FAM107B: variants seen among roughly 807,000 people sequenced by gnomAD.
FAM107B encodes protein FAM107B.
A neutral mutation model predicts 31.5 loss-of-function variants in FAM107B; 21 were observed. The ratio of observed to expected loss-of-function variants is 0.67; its 90% CI spans 0.47 to 0.96. The LOEUF is 0.96. Among genes scored for constraint, FAM107B ranks in the 40% least tolerant of loss-of-function variants. The pLI, the probability that FAM107B is intolerant of heterozygous loss-of-function variation, is 0.00. For missense variants in FAM107B, 452 were observed against 377.1 expected, an observed-to-expected ratio of 1.20 and a Z score of -1.64; for synonymous variants, 157 against 141.5, an observed-to-expected ratio of 1.11 and a Z score of -0.78.
intron 2 of FAM107B, among the ~76,000 whole-genome samples, chr10:14,628,850 C>A (rs557143782): frequency 6.6e-6 from 1 of 152,132 alleles, no homozygotes; most frequent in East Asian, 1.9e-4. Context: ...CTGGGCAATA[C>A]AGCAAGACCC....
chr10:14,663,887 C>CAAAAAAAAA lies in FAM107B; in HGVS notation c.469+3738_469+3746dup, dbSNP rs3035297. ...GATGCCCAAGAATTAGATCATCAGC[C>CAAAAAAAAA]AAAAAAAAAAAAAAAAAAAAAAAAA... is the stretch of plus-strand genomic sequence containing the variant. On this transcript the variant is annotated intron_variant, in intron 2 of 4. Transcript: ENST00000181796. 1.5e-4 allele frequency among the ~76,000 whole-genome samples: 12 copies of CAAAAAAAAA among 80,384 alleles called. 2 individuals carry two copies. Among genetic ancestry groups the CAAAAAAAAA allele is most frequent in the African/African-American group, 6.3e-4 (11 of 17,430 alleles). The allele number at this position is 80,384 out of a possible 152,430, so 52.7% of individuals were successfully genotyped here. A position where few individuals can be genotyped will look rare whatever the true frequency, so the allele number is the denominator to read the frequency against.
chr10:14,595,422 C>CTTT (rs35540585), intron 2 of FAM107B, among the ~76,000 whole-genome samples: 44,131 of 97,972 alleles, frequency 0.45, 11,886 homozygotes, highest in Non-Finnish European at 0.56. Context: ...CTAGGGCAAC[C>CTTT]TTTTTTTTTT....
At chr10:14,521,592 T>G (rs1347120212) in intron 4 of FAM107B, among the ~76,000 whole-genome samples, 1 of 152,220 alleles carries the variant, frequency 6.6e-6, no homozygotes, top group East Asian at 1.9e-4. Context: ...GGAGTCTTCA[T>G]GAAAGTGAAT....
intron 1 of FAM107B, among the ~76,000 whole-genome samples, chr10:14,768,654 A>G (rs1833234463): frequency 6.6e-6 from 1 of 152,232 alleles, no homozygotes; most frequent in African/African-American, 2.4e-5. Flanking sequence ...ATACTTTAAA[A>G]CAGTTACAAT....
chr10:14,734,317 T>C (rs2131563559), intron 1 of FAM107B, among the ~76,000 whole-genome samples: 1 of 152,210 alleles, frequency 6.6e-6, no homozygotes, highest in East Asian at 1.9e-4. Context: ...TGCAGCCCAA[T>C]TATATTGCCC....
At chr10:14,658,066 C>A (rs961512709) in intron 2 of FAM107B, among the ~76,000 whole-genome samples, 2 of 152,086 alleles carry the variant, frequency 1.3e-5, no homozygotes, top group African/African-American at 2.4e-5. Context: ...CCCACTTCGG[C>A]CCCCCAAAGT....
intron 2 of FAM107B, among the ~76,000 whole-genome samples, chr10:14,582,388 T>C (rs1278912972): frequency 6.9e-6 from 1 of 145,684 alleles, no homozygotes; most frequent in African/African-American, 2.5e-5. Context: ...TTTTTTTTTT[T>C]TTTTTTGAGA....
At chr10:14,647,595 G>T (rs1853789549) in intron 2 of FAM107B, among the ~76,000 whole-genome samples, 1 of 150,476 alleles carries the variant, frequency 6.6e-6, no homozygotes, top group Non-Finnish European at 1.5e-5. Context: ...GAGGCAGGAG[G>T]AATCACTTGA....
chr10:14,573,400 G>A lies in FAM107B; in HGVS notation c.470-42885C>T, dbSNP rs184802898. Among the ~76,000 whole-genome samples, 271 of 152,024 alleles carry A rather than the reference G, an allele frequency of 1.8e-3. 1 individual carries two copies. Among genetic ancestry groups the A allele is most frequent in the African/African-American group, 6.1e-3 (251 of 41,462 alleles). ...AGGCCCTCACCAGATGCAGGCCCTC[G>A]ACCTTGGACTTCCCAGTCTCCAGAA... On this transcript the variant is annotated intron_variant, in intron 2 of 4. Transcript: ENST00000181796.
intron 2 of FAM107B, among the ~76,000 whole-genome samples, chr10:14,573,628 C>T (rs977437535): frequency 2.6e-5 from 4 of 151,530 alleles, no homozygotes; most frequent in African/African-American, 4.9e-5. Context: ...CCTGTAGTCC[C>T]GGCTACTTGG....
intron 2 of FAM107B, among the ~76,000 whole-genome samples, chr10:14,599,002 C>G (rs868251620): frequency 1.3e-4 from 20 of 152,162 alleles, no homozygotes; most frequent in Middle Eastern, 3.2e-3. Context: ...CTCCTCTGGC[C>G]CAGGCTGTGG....
intron 1 of FAM107B, among the ~76,000 whole-genome samples, chr10:14,669,819 C>A (rs1315672001): frequency 6.6e-6 from 1 of 152,192 alleles, no homozygotes; most frequent in Non-Finnish European, 1.5e-5. Flanking sequence ...TTAATGGTTA[C>A]AAACATACAG....
At chr10:14,601,730 T>C (rs1564595585) in intron 2 of FAM107B, among the ~76,000 whole-genome samples, 1 of 152,154 alleles carries the variant, frequency 6.6e-6, no homozygotes, top group Non-Finnish European at 1.5e-5. Context: ...CTTAAAACAC[T>C]TGCACACAGA....
chr10:14,595,255 A>C lies in FAM107B; in HGVS notation c.470-64740T>G, dbSNP rs148578424. ...ACCGCAATAAAGCTATGCTAACAAC[A>C]AAACAGATACATCTCCCAAGCATTT... is the stretch of plus-strand genomic sequence containing the variant. On this transcript the variant is annotated intron_variant, in intron 2 of 4. Transcript: ENST00000181796. 1.6e-3 allele frequency among the ~76,000 whole-genome samples: 237 copies of C among 152,280 alleles called. 5 individuals are homozygous for C. In the East Asian group the frequency reaches 0.036, roughly 23 times the overall value.
chr10:14,735,316 T>A (rs1380468123), intron 1 of FAM107B, among the ~76,000 whole-genome samples: 2 of 152,122 alleles, frequency 1.3e-5, no homozygotes, highest in Non-Finnish European at 2.9e-5. Flanking sequence ...CCATCAGCTA[T>A]CATTCATGTT....
chr10:14,611,632 C>T (rs1344833448), intron 2 of FAM107B, among the ~76,000 whole-genome samples: 1 of 151,298 alleles, frequency 6.6e-6, no homozygotes, highest in Non-Finnish European at 1.5e-5. Flanking sequence ...GGATAAGAAA[C>T]TTATCCAAAG....
chr10:14,754,171 T>A (rs1832884459), intron 1 of FAM107B, among the ~76,000 whole-genome samples: 1 of 152,164 alleles, frequency 6.6e-6, no homozygotes. Flanking sequence ...ACTCCTGACC[T>A]CAGGTGATCC....
At chr10:14,681,531 A>G (rs1427852560) in intron 1 of FAM107B, among the ~76,000 whole-genome samples, 1 of 152,174 alleles carries the variant, frequency 6.6e-6, no homozygotes, top group Non-Finnish European at 1.5e-5. Context: ...TCAGAGAAAT[A>G]CTGACTGTTC....
intron 2 of FAM107B, chr10:14,548,642 G>A (rs1177351026): frequency 6.9e-5 from 68 of 985,332 alleles, no homozygotes; most frequent in Non-Finnish European, 7.8e-5. Context: ...AGCTGCGAAG[G>A]CAGGCACTCC....
Sources: gnomAD v4.1 joint callset for allele counts (sites outside exome capture counted in the v4.1 genomes callset) on GRCh38, gnomAD v4.1.1 for gene constraint, MANE v1.5 for transcripts, NCBI Gene and HGNC (gene_info 2026-07-23, HGNC 2026-07-21) for gene names.